The following ADAM23 variants were observed in gnomAD, a reference collection of about 807,000 sequenced individuals.
ADAM23 encodes ADAM metallopeptidase domain 23, also known as disintegrin and metalloproteinase domain-containing protein 23.
ADAM23 carries 33 observed loss-of-function variants against 120.1 expected under a neutral mutation model. The observed-to-expected ratio is 0.27, with a 90% CI of 0.21 to 0.37. The LOEUF is 0.37. Ranked by LOEUF, ADAM23 falls within the 10% of genes least tolerant of loss-of-function variation. ADAM23 has a pLI of 1.00. For missense variants in ADAM23, 862 were observed against 1,058.2 expected (o/e 0.81, Z 2.57); for synonymous variants, 367 against 375.2 (o/e 0.98, Z 0.25).
intron 21 of ADAM23, among the ~76,000 whole-genome samples, chr2:206,590,383 T>C (rs1698404419): frequency 6.6e-6 from 1 of 152,102 alleles, no homozygotes; most frequent in African/African-American, 2.4e-5. Context: ...TGGGCGTGAG[T>C]CACCACGTCC....
intron 18 of ADAM23, among the ~76,000 whole-genome samples, chr2:206,581,864 TCTTC>T (rs755392998): frequency 1.1e-4 from 16 of 151,910 alleles, no homozygotes; most frequent in East Asian, 5.8e-4. Flanking sequence ...ATGTCCTTTC[TCTTC>T]CTTCCTTCCT....
intron 15 of ADAM23, among the ~76,000 whole-genome samples, chr2:206,569,506 A>C (rs1697954513): frequency 6.6e-6 from 1 of 152,076 alleles, no homozygotes; most frequent in African/African-American, 2.4e-5. Context: ...TTTACATTAT[A>C]TGTGTGCATA....
At chr2:206,532,654 C>G (rs1056424255) in intron 4 of ADAM23, among the ~76,000 whole-genome samples, 1 of 152,020 alleles carries the variant, frequency 6.6e-6, no homozygotes, top group African/African-American at 2.4e-5. Context: ...ATGGTGCACA[C>G]TATTTTATAT....
intron 13 of ADAM23, 29 bp from the exon 14 acceptor site, chr2:206,564,991 C>A (rs1318821742): frequency 6.2e-7 from 1 of 1,610,968 alleles, no homozygotes; most frequent in Non-Finnish European, 8.5e-7. Flanking sequence ...CCTTTTTCTT[C>A]TGTTGCTTTT....
At chr2:206,480,299 G>A (rs1179929949) in intron 2 of ADAM23, among the ~76,000 whole-genome samples, 1 of 152,046 alleles carries the variant, frequency 6.6e-6, no homozygotes, top group Non-Finnish European at 1.5e-5. Flanking sequence ...AGAAAGTACT[G>A]GGAGGGAGAT....
intron 3 of ADAM23, among the ~76,000 whole-genome samples, chr2:206,514,400 T>C (rs1314337495): frequency 6.6e-6 from 1 of 152,166 alleles, no homozygotes; most frequent in Non-Finnish European, 1.5e-5. Flanking sequence ...AGGAAGTCAC[T>C]GCAGACGTGG....
rs573922517 is a variant in ADAM23, at chr2:206,619,265, T to G, written c.*1638T>G. The stretch of plus-strand genomic sequence containing the variant: ...TACAAATCCACATTGTTCTTCTCCC[T>G]CCAGCCAGATTTGCAGATGTAATCT... On this transcript the variant is annotated 3_prime_UTR_variant, in exon 26 of 26. Transcript: ENST00000264377. The G allele has an allele frequency of 1.1e-4, 17 of 152,346 alleles. No homozygotes were observed. Among genetic ancestry groups the G allele is most frequent in the African/African-American group, 4.1e-4 (17 of 41,584 alleles). 9.4% of individuals were successfully genotyped at this position (152,346 alleles called of 1,614,324 possible). A position where few individuals can be genotyped will look rare whatever the true frequency, so the allele number is the denominator to read the frequency against.
chr2:206,455,670 G>C (rs923408174), intron 2 of ADAM23, among the ~76,000 whole-genome samples: 3 of 152,184 alleles, frequency 2.0e-5, no homozygotes. Context: ...GTCACATCTT[G>C]AATGCTTTGC....
At chr2:206,564,960 A>C (rs944836426) in intron 13 of ADAM23, 60 bp from the exon 14 acceptor site, 1 of 1,592,086 alleles carries the variant, frequency 6.3e-7, no homozygotes, top group African/African-American at 1.3e-5. Context: ...ATACCAAAAA[A>C]ATATGTGACT....
chr2:206,512,239 A>G (rs187025176), intron 3 of ADAM23, among the ~76,000 whole-genome samples: 1 of 152,366 alleles, frequency 6.6e-6, no homozygotes, highest in African/African-American at 2.4e-5. Flanking sequence ...CAAGCTGCTT[A>G]ATAGCCTCTT....
At chr2:206,471,034 C>G (rs1393857598) in intron 2 of ADAM23, among the ~76,000 whole-genome samples, 1 of 152,102 alleles carries the variant, frequency 6.6e-6, no homozygotes, top group Non-Finnish European at 1.5e-5. Flanking sequence ...TATAGAGATC[C>G]CAACATAAAT....
chr2:206,487,381 C>T (rs955068776), intron 3 of ADAM23, among the ~76,000 whole-genome samples: 2 of 151,828 alleles, frequency 1.3e-5, no homozygotes, highest in Admixed American at 6.6e-5. Context: ...TCTTCAAAGT[C>T]GGCTGAAGAA....
intron 10 of ADAM23, 136 bp from the exon 11 acceptor site, chr2:206,559,819 T>C: frequency 1.5e-6 from 1 of 669,762 alleles, no homozygotes; most frequent in South Asian, 2.9e-5. Flanking sequence ...GAAAAGAAGA[T>C]TCTCTATAAT....
At chr2:206,487,991 A>C (rs1696053152) in intron 3 of ADAM23, among the ~76,000 whole-genome samples, 1 of 152,200 alleles carries the variant, frequency 6.6e-6, no homozygotes, top group Non-Finnish European at 1.5e-5. Flanking sequence ...ATTTTCTGGG[A>C]ATCAGAGGTG....
intron 2 of ADAM23, among the ~76,000 whole-genome samples, chr2:206,477,887 A>AT (rs1285925261): frequency 2.9e-4 from 24 of 82,326 alleles, no homozygotes; most frequent in Admixed American, 1.4e-3. Flanking sequence ...TGTTAAAAAA[A>AT]AAAAAAAAAA....
At chr2:206,613,100 C>T (rs1295266563) in intron 25 of ADAM23, among the ~76,000 whole-genome samples, 1 of 151,864 alleles carries the variant, frequency 6.6e-6, no homozygotes, top group Non-Finnish European at 1.5e-5. Context: ...GCTTTTATTG[C>T]CCAGGCTGGA....
intron 21 of ADAM23, among the ~76,000 whole-genome samples, chr2:206,591,525 A>G (rs958495787): frequency 1.3e-5 from 2 of 152,182 alleles, no homozygotes; most frequent in African/African-American, 4.8e-5. Context: ...GAATGAATAT[A>G]CTATACTTTA....
intron 3 of ADAM23, among the ~76,000 whole-genome samples, chr2:206,524,583 A>G (rs2269182): frequency 0.83 from 125,726 of 152,250 alleles, 52,350 homozygotes; most frequent in African/African-American, 0.94. Flanking sequence ...CCACCTGGCT[A>G]GGGAGGCCCC....
intron 2 of ADAM23, among the ~76,000 whole-genome samples, chr2:206,465,576 T>A (rs1013022337): frequency 2.0e-5 from 3 of 152,230 alleles, no homozygotes; most frequent in African/African-American, 4.8e-5. Flanking sequence ...ATTAATAGCA[T>A]TATGTTTTCT....
Sources: allele counts gnomAD v4.1 joint callset (sites outside exome capture counted in the v4.1 genomes callset), GRCh38; gene constraint gnomAD v4.1.1; transcripts MANE v1.5; gene names NCBI Gene and HGNC (gene_info 2026-07-23, HGNC 2026-07-21).